Variants in HPSE2 observed in about 807,000 individuals in gnomAD.
The protein encoded by HPSE2 is inactive heparanase-2.
In HPSE2, 38 loss-of-function variants were observed where a neutral mutation model predicts 60.5. The observed-to-expected ratio is 0.63, with a 90% CI of 0.48 to 0.82. HPSE2 has a LOEUF of 0.82. Ranked by LOEUF, HPSE2 falls within the 40% of genes least tolerant of loss-of-function variation. The pLI is 0.00. For missense variants in HPSE2, 713 were observed against 740.4 expected (o/e 0.96, Z 0.43); for synonymous variants, 295 against 293.2 (o/e 1.01, Z -0.06).
chr10:98,466,672 CT>C (rs1473656066), intron 11 of HPSE2, among the ~76,000 whole-genome samples: 2 of 151,792 alleles, frequency 1.3e-5, no homozygotes, highest in Non-Finnish European at 2.9e-5. Context: ...GAACATTTGC[CT>C]TCTCTGAGAC....
chr10:98,819,329 G>GA (rs981920490), intron 3 of HPSE2, among the ~76,000 whole-genome samples: 55 of 150,150 alleles, frequency 3.7e-4, no homozygotes, highest in African/African-American at 1.3e-3. Flanking sequence ...TTGAAGTACT[G>GA]AAAAAAAATG....
chr10:98,575,472 T>G (rs1348830517), intron 9 of HPSE2, among the ~76,000 whole-genome samples: 1 of 152,200 alleles, frequency 6.6e-6, no homozygotes, highest in African/African-American at 2.4e-5. Context: ...AACGGTGAAT[T>G]TGTAGTAGCA....
chr10:98,788,407 T>C (rs1412007405), intron 3 of HPSE2, among the ~76,000 whole-genome samples: 1 of 91,102 alleles, frequency 1.1e-5, no homozygotes, highest in African/African-American at 3.5e-5. Context: ...TGTTTGTCTG[T>C]GCCCTGCCCC....
chr10:99,298,857 TAG>T, the HPSE2 span, among the ~76,000 whole-genome samples: 1 of 152,104 alleles, frequency 6.6e-6, no homozygotes, highest in Admixed American at 6.5e-5. Context: ...GTATTTTTAG[TAG>T]AGATGGGGTT....
chr10:98,596,310 T>C (rs1945236101), intron 9 of HPSE2, among the ~76,000 whole-genome samples: 1 of 147,644 alleles, frequency 6.8e-6, no homozygotes, highest in African/African-American at 2.6e-5. Context: ...CCCTAACAAA[T>C]TATTGTTGCT....
intron 3 of HPSE2, among the ~76,000 whole-genome samples, chr10:99,096,228 A>AT (rs1489876082): frequency 6.6e-6 from 1 of 152,242 alleles, no homozygotes; most frequent in Non-Finnish European, 1.5e-5. Flanking sequence ...TAATAGCTGC[A>AT]TAACATTCCA....
intron 3 of HPSE2, among the ~76,000 whole-genome samples, chr10:99,132,187 A>AGAG (rs1845431567): frequency 1.2e-4 from 3 of 24,210 alleles, no homozygotes; most frequent in African/African-American, 2.0e-4. Context: ...GAAAGAAAGA[A>AGAG]AGAAAGAGAG....
At chr10:99,216,379 G>C (rs1564900523) in intron 2 of HPSE2, among the ~76,000 whole-genome samples, 1 of 151,996 alleles carries the variant, frequency 6.6e-6, no homozygotes. Context: ...ATTTTTGGTA[G>C]AGACAGGGTT....
At chr10:98,528,549 G>A (rs184592391) in intron 9 of HPSE2, among the ~76,000 whole-genome samples, 1 of 152,234 alleles carries the variant, frequency 6.6e-6, no homozygotes, top group Non-Finnish European at 1.5e-5. Flanking sequence ...AGTGAAGCAC[G>A]GTGTGTGCAG....
At chr10:98,472,594 T>C (rs1940823786) in intron 11 of HPSE2, among the ~76,000 whole-genome samples, 1 of 152,228 alleles carries the variant, frequency 6.6e-6, no homozygotes, top group Non-Finnish European at 1.5e-5. Flanking sequence ...GGTCTTAGCC[T>C]GAACGTTATA....
At chr10:98,629,440 T>C (rs1946301729) in intron 7 of HPSE2, among the ~76,000 whole-genome samples, 1 of 152,340 alleles carries the variant, frequency 6.6e-6, no homozygotes, top group South Asian at 2.1e-4. Flanking sequence ...TTGTTCCTTA[T>C]TGTATTTATA....
At chr10:98,670,580 T>C (rs1289304196) in intron 6 of HPSE2, among the ~76,000 whole-genome samples, 1 of 152,206 alleles carries the variant, frequency 6.6e-6, no homozygotes, top group Non-Finnish European at 1.5e-5. Context: ...GTACCTGTTT[T>C]AAGAAAAAAC....
chr10:98,836,867 C>T (rs1191597445), intron 3 of HPSE2, among the ~76,000 whole-genome samples: 4 of 151,940 alleles, frequency 2.6e-5, no homozygotes, highest in African/African-American at 4.8e-5. Context: ...GGAGAAACCC[C>T]GTCTCTACTA....
intron 2 of HPSE2, among the ~76,000 whole-genome samples, chr10:99,155,877 A>G (rs1367188551): frequency 6.6e-6 from 1 of 152,014 alleles, no homozygotes; most frequent in African/African-American, 2.4e-5. Flanking sequence ...AAAGAAAAAA[A>G]GAAGAATCAA....
the HPSE2 span, among the ~76,000 whole-genome samples, chr10:99,275,236 G>C: frequency 6.6e-6 from 1 of 152,154 alleles, no homozygotes. Context: ...TTTCGATTAA[G>C]ATAAAGACAA....
At chr10:99,280,627 C>T in the HPSE2 span, among the ~76,000 whole-genome samples, 2 of 152,150 alleles carry the variant, frequency 1.3e-5, no homozygotes, top group Non-Finnish European at 2.9e-5. Flanking sequence ...TGACCAAATT[C>T]GGGAATTATT....
At chr10:98,955,093 C>CA (rs1352908356) in intron 3 of HPSE2, among the ~76,000 whole-genome samples, 1 of 151,502 alleles carries the variant, frequency 6.6e-6, no homozygotes, top group Admixed American at 6.6e-5. Context: ...GGAACAGAAT[C>CA]ATAGAGACAA....
intron 6 of HPSE2, among the ~76,000 whole-genome samples, chr10:98,645,117 A>G (rs901794596): frequency 6.6e-6 from 1 of 152,188 alleles, no homozygotes; most frequent in African/African-American, 2.4e-5. Flanking sequence ...ATCAACATAT[A>G]AGAGAGATTG....
intron 3 of HPSE2, among the ~76,000 whole-genome samples, chr10:99,066,177 T>C (rs971995530): frequency 1.3e-5 from 2 of 152,226 alleles, no homozygotes; most frequent in African/African-American, 4.8e-5. Context: ...AATATCTGGA[T>C]AGTCTCTGCC....
Sources: gnomAD v4.1 joint callset for allele counts (sites outside exome capture counted in the v4.1 genomes callset) on GRCh38, gnomAD v4.1.1 for gene constraint, MANE v1.5 for transcripts, NCBI Gene and HGNC (gene_info 2026-07-23, HGNC 2026-07-21) for gene names.